MPP4: variants seen among roughly 807,000 people sequenced by gnomAD.
MPP4 encodes the protein MAGUK p55 scaffold protein 4, also known as MAGUK p55 subfamily member 4.
Under a neutral mutation model 98.3 loss-of-function variants are expected in MPP4, and 91 were observed. That is an observed-to-expected ratio of 0.93 (90% confidence interval 0.78 to 1.10). The LOEUF (loss-of-function observed/expected upper bound fraction) is 1.10. Ranked by LOEUF, MPP4 falls within the 50% of genes least tolerant of loss-of-function variation. MPP4 has a pLI of 0.00. For missense variants in MPP4, 744 were observed against 792.9 expected, an observed-to-expected ratio of 0.94 and a Z score of 0.74; for synonymous variants, 261 against 271.8, an observed-to-expected ratio of 0.96 and a Z score of 0.39.
Position 201,666,373 on chromosome 2 carries a change from C to T in MPP4, c.1013-1G>A, listed in dbSNP as rs1177965616. Reference sequence around the variant, plus strand: ...TTCTCATCAATCTTCATGTCATCTTCTATAAAAGAGTATAGAAAGGGAGAA... The same window carrying T: ...TTCTCATCAATCTTCATGTCATCTTTTATAAAAGAGTATAGAAAGGGAGAA... On this transcript the variant is annotated splice_acceptor_variant, in intron 12 of 21. Transcript: ENST00000409474. LOFTEE classifies it high-confidence loss of function. The T allele has an allele frequency of 8.4e-6, 13 of 1,547,198 alleles. No homozygotes were observed. The highest frequency in any genetic ancestry group is 1.1e-5 in the Non-Finnish European group (13 of 1,145,720).
At chr2:201,651,135 T>C (rs1218257001) in intron 18 of MPP4, 1 of 985,294 alleles carries the variant, frequency 1.0e-6, no homozygotes, top group African/African-American at 1.7e-5. Context: ...AATTTGTGTA[T>C]TTGCATCTGA....
At chr2:201,682,438 T>C (rs1411277364) in intron 8 of MPP4, among the ~76,000 whole-genome samples, 1 of 152,112 alleles carries the variant, frequency 6.6e-6, no homozygotes, top group Non-Finnish European at 1.5e-5. Flanking sequence ...ATTTCAGCCA[T>C]AGAAAAGTGT....
At chr2:201,646,762 A>G (rs900478110) in intron 21 of MPP4, 1 of 152,242 alleles carries the variant, frequency 6.6e-6, no homozygotes, top group Non-Finnish European at 1.5e-5. Flanking sequence ...CAATGCAGAG[A>G]TTAGCATGGC....
intron 2 of MPP4, 121 bp from the exon 3 acceptor site, chr2:201,693,150 G>A: frequency 8.7e-7 from 1 of 1,152,254 alleles, no homozygotes; most frequent in East Asian, 2.5e-5. Context: ...TGGATCTCAG[G>A]CCAAAAGATC....
intron 5 of MPP4, among the ~76,000 whole-genome samples, chr2:201,687,069 G>C (rs1425690526): frequency 6.6e-6 from 1 of 152,180 alleles, no homozygotes; most frequent in African/African-American, 2.4e-5. Flanking sequence ...GGAAAGTTCT[G>C]GATGCCTCCT....
At chr2:201,675,159 G>A (rs369666526) in intron 11 of MPP4, 48 bp downstream of exon 11, 55 of 1,545,268 alleles carry the variant, frequency 3.6e-5, no homozygotes, top group Non-Finnish European at 4.2e-5. Context: ...CAATGCCATG[G>A]TCTTTATTGC....
intron 14 of MPP4, 114 bp from the exon 15 acceptor site, chr2:201,660,460 A>G (rs1169848012): frequency 8.9e-7 from 1 of 1,124,768 alleles, no homozygotes; most frequent in African/African-American, 1.5e-5. Context: ...CGTCACCACT[A>G]GCAAAAGGTA....
chr2:201,681,596 C>T (rs1460705240), intron 8 of MPP4, 29 bp from the exon 9 acceptor site: 1 of 1,583,062 alleles, frequency 6.3e-7, no homozygotes, highest in Non-Finnish European at 8.7e-7. Flanking sequence ...GAAAGGATGA[C>T]AATCATGGAG....
intron 1 of MPP4, among the ~76,000 whole-genome samples, chr2:201,696,402 C>T (rs1689182506): frequency 6.6e-6 from 1 of 152,150 alleles, no homozygotes; most frequent in African/African-American, 2.4e-5. Context: ...GGAGTGCCTG[C>T]TAGAGAGCAG....
At chr2:201,660,236 A>G in intron 15 of MPP4, 96 bp downstream of exon 15, 5 of 1,168,492 alleles carry the variant, frequency 4.3e-6, no homozygotes, top group Non-Finnish European at 6.3e-6. Context: ...CCGTATCTTC[A>G]TCTTAAACAT....
intron 7 of MPP4, 27 bp downstream of exon 7, chr2:201,685,037 C>A: frequency 6.3e-7 from 1 of 1,595,554 alleles, no homozygotes. Flanking sequence ...TTTCTGGTAA[C>A]TCTCAATCCC....
chr2:201,646,359 C>A (rs904433953), intron 21 of MPP4, among the ~76,000 whole-genome samples: 2 of 152,140 alleles, frequency 1.3e-5, no homozygotes, highest in South Asian at 4.1e-4. Flanking sequence ...GTGAAATGTT[C>A]ATTTAATGAA....
Position 201,675,273 on chromosome 2 carries a change from TA to T in MPP4, c.930-3del, listed in dbSNP as rs764775330. On this transcript the variant is annotated splice_region_variant and splice_polypyrimidine_tract_variant and intron_variant, in intron 10 of 21. Coordinates refer to ENST00000409474, the MANE Select transcript of MPP4 (RefSeq NM_033066.3). ...GACCACCAGAATTCCCGTTGCTTCC[TA>T]TGGGGGGGAAAAAACCATGCGACAA... 18 of 1,606,762 alleles carry T rather than the reference TA, an allele frequency of 1.1e-5. No individual in the cohort carries two copies. In the South Asian group the frequency reaches 1.8e-4, roughly 16 times the overall value.
intron 14 of MPP4, among the ~76,000 whole-genome samples, chr2:201,662,246 T>C (rs1574609543): frequency 6.7e-6 from 1 of 149,756 alleles, no homozygotes; most frequent in African/African-American, 2.4e-5. Flanking sequence ...AAAATATATA[T>C]ATATTTTAAA....
rs565010973 is a variant in MPP4 at position 201,651,712 on chromosome 2, G to A, written c.1382-1547C>T. ...CTCACGCCTGTAATCCCAGCACTTT[G>A]GGAGGCCAAGGCGGGTGGATCACCT... On this transcript the variant is annotated intron_variant, in intron 18 of 21. Transcript: ENST00000409474. 1.2e-4 allele frequency: 111 copies of A among 918,682 alleles called. 1 individual carries two copies. The African/African-American group carries it at 1.8e-3, about 15-fold the overall frequency. The allele number at this position is 918,682 out of a possible 1,614,324, so 56.9% of individuals were successfully genotyped here.
chr2:201,678,475 G>C (rs1051107638), intron 10 of MPP4, among the ~76,000 whole-genome samples: 2 of 152,174 alleles, frequency 1.3e-5, no homozygotes, highest in Non-Finnish European at 2.9e-5. Flanking sequence ...CCTGTGGTCT[G>C]CTTCTCCTGC....
chr2:201,678,985 C>A (rs1317526457), intron 10 of MPP4, among the ~76,000 whole-genome samples: 1 of 152,124 alleles, frequency 6.6e-6, no homozygotes, highest in Admixed American at 6.5e-5. Context: ...CAACCTCAGC[C>A]ACTGCCTCCC....
At chr2:201,655,383 G>A (rs1421935277) in intron 17 of MPP4, among the ~76,000 whole-genome samples, 1 of 152,202 alleles carries the variant, frequency 6.6e-6, no homozygotes, top group Admixed American at 6.5e-5. Context: ...AGGCAGGGCC[G>A]ACTTCATGGG....
At chr2:201,693,823 G>T in intron 2 of MPP4, 53 bp downstream of exon 2, 1 of 1,586,674 alleles carries the variant, frequency 6.3e-7, no homozygotes, top group Middle Eastern at 1.7e-4. Flanking sequence ...TTGATCACAT[G>T]TCAGAGGTGA....
Sources: allele counts gnomAD v4.1 joint callset (sites outside exome capture counted in the v4.1 genomes callset), GRCh38; gene constraint gnomAD v4.1.1; transcripts MANE v1.5; gene names NCBI Gene and HGNC (gene_info 2026-07-23, HGNC 2026-07-21).